Variants in CD5 observed in about 807,000 individuals in gnomAD.
CD5 encodes the protein CD5 molecule.
Under a neutral mutation model 60.3 loss-of-function variants are expected in CD5, and 36 were observed. That is an observed-to-expected ratio of 0.60 (90% CI 0.46 to 0.79). CD5 has a LOEUF of 0.79. CD5 is among the 30% of genes least tolerant of loss of function. The probability of loss-of-function intolerance (pLI) is 0.00; values close to 1 mark genes in which losing one functional copy is unlikely to be tolerated. For missense variants in CD5, 540 were observed against 630.6 expected, an observed-to-expected ratio of 0.86 and a Z score of 1.54; for synonymous variants, 230 against 257.6, an observed-to-expected ratio of 0.89 and a Z score of 1.03.
At chr11:61,109,587 C>T (rs1434972252) in intron 1 of CD5, among the ~76,000 whole-genome samples, 1 of 151,684 alleles carries the variant, frequency 6.6e-6, no homozygotes, top group African/African-American at 2.4e-5. Context: ...CATGGGATGC[C>T]GTAATGAGAG....
chr11:61,125,016 C>T lies in CD5; in HGVS notation c.1280-16C>T, dbSNP rs1230299209. 1.9e-6 allele frequency: 3 copies of T among 1,613,964 alleles called. No homozygotes were observed. Among genetic ancestry groups the T allele is most frequent in the Non-Finnish European group, 2.5e-6 (3 of 1,179,928 alleles). ...CACAGCCACAAGTCTGACACTGTCTCCTACCATCTGCCCAGTGTCTTTCCA... is the reference window on the plus strand; with the variant it reads ...CACAGCCACAAGTCTGACACTGTCTTCTACCATCTGCCCAGTGTCTTTCCA... On this transcript the variant is annotated splice_polypyrimidine_tract_variant and intron_variant, in intron 8 of 10. Transcript: ENST00000347785.
intron 1 of CD5, among the ~76,000 whole-genome samples, chr11:61,113,403 C>A (rs977508819): frequency 6.6e-6 from 1 of 152,230 alleles, no homozygotes; most frequent in Non-Finnish European, 1.5e-5. Context: ...TGAGACCAGG[C>A]TACAAGGAGG....
At chr11:61,097,643 C>T (rs1860602749), upstream of CD5, among the ~76,000 whole-genome samples, 1 of 152,174 alleles carries the variant, frequency 6.6e-6, no homozygotes, top group Non-Finnish European at 1.5e-5. Flanking sequence ...CATCTTTCTT[C>T]CAACTGCCCA....
Position 61,119,531 on chromosome 11 carries a change from TCAAGCCC to T in CD5, c.764_770del (p.Lys255ArgfsTer149). The T allele has an allele frequency of 6.2e-7, 1 of 1,613,562 alleles. No individual in the cohort carries two copies. Among genetic ancestry groups the T allele is most frequent in the Non-Finnish European group, 8.5e-7 (1 of 1,179,914 alleles). On this transcript the variant is annotated frameshift_variant, in exon 5 of 11. Coordinates refer to ENST00000347785, the MANE Select transcript of CD5 (RefSeq NM_014207.4). LOFTEE classifies it high-confidence loss of function. Reference sequence around the variant, plus strand: ...TCCCTGGAGCATTGCTTCAGGAAAATCAAGCCCCAGAAAAGTGGCCGAGTTCTTGCCC... The same window carrying T: ...TCCCTGGAGCATTGCTTCAGGAAAATCAGAAAAGTGGCCGAGTTCTTGCCC...
At position 61,127,185 on chromosome 11, in the gene CD5, C is replaced by T. The variant is rs556526230; in HGVS notation, c.*900C>T. The T allele has an allele frequency of 3.3e-5, 5 of 152,368 alleles. No homozygotes were observed. Among genetic ancestry groups the T allele is most frequent in the South Asian group, 2.1e-4 (1 of 4,832 alleles). 9.4% of individuals were successfully genotyped at this position (152,368 alleles called of 1,614,324 possible). A position where few individuals can be genotyped will look rare whatever the true frequency, so the allele number is the denominator to read the frequency against. On this transcript the variant is annotated 3_prime_UTR_variant, in exon 11 of 11. Coordinates refer to ENST00000347785, the MANE Select transcript of CD5 (RefSeq NM_014207.4). ...CCTTTGGTTTGAATAACTCCCTTGA[C>T]GAAAACAGACTCCTCTAGTACTTGG... is the stretch of plus-strand genomic sequence containing the variant.
At chr11:61,101,355 C>T (rs1212127589), upstream of CD5, among the ~76,000 whole-genome samples, 2 of 94,496 alleles carry the variant, frequency 2.1e-5, no homozygotes, top group Non-Finnish European at 4.4e-5. Context: ...CACACATCAA[C>T]ATGGAGATCA....
chr11:61,103,320 T>C (rs1245410028), intron 1 of CD5, among the ~76,000 whole-genome samples: 3 of 151,976 alleles, frequency 2.0e-5, no homozygotes, highest in Non-Finnish European at 2.9e-5. Flanking sequence ...TTATGAAATG[T>C]GGGGGTTGGG....
At chr11:61,116,617 C>T (rs1590771325) in intron 2 of CD5, among the ~76,000 whole-genome samples, 1 of 44,484 alleles carries the variant, frequency 2.2e-5, no homozygotes, top group Non-Finnish European at 4.6e-5. Context: ...CACACACATA[C>T]CACACACACA....
chr11:61,094,097 A>T, the CD5 span, among the ~76,000 whole-genome samples: 1 of 152,088 alleles, frequency 6.6e-6, no homozygotes, highest in African/African-American at 2.4e-5. Context: ...CGGACAGTTG[A>T]GGCAGCCCCT....
chr11:61,099,357 G>A (rs371073051), upstream of CD5, among the ~76,000 whole-genome samples: 61 of 86,364 alleles, frequency 7.1e-4, no homozygotes, highest in East Asian at 2.5e-3. Flanking sequence ...TCAACATGGA[G>A]ATCACACACA....
chr11:61,123,817 A>AGG, intron 7 of CD5, 67 bp from the exon 8 acceptor site: 1 of 213,484 alleles, frequency 4.7e-6, no homozygotes, highest in Non-Finnish European at 8.3e-6. Flanking sequence ...CCCCATCCCC[A>AGG]CCCCTGCCTG....
chr11:61,118,214 A>C lies in CD5; in HGVS notation c.134A>C (p.Gln45Pro), dbSNP rs747170921. 6.2e-7 allele frequency: 1 copy of C among 1,614,118 alleles called. No individual in the cohort carries two copies. Among genetic ancestry groups the C allele is most frequent in the Non-Finnish European group, 8.5e-7 (1 of 1,179,966 alleles). Residue 45 changes from glutamine (Q) to proline (P), a missense_variant, in exon 3 of 11, where the codon CAG becomes CCG. Gln to Pro is a moderately conservative substitution (Grantham distance 76). Transcript: ENST00000347785. This position sits in a 1 kb window ranked among gnomAD's most constrained non-coding sequence, Gnocchi z 4.7. ...CTCACCCGTTCCAACTCGAAGTGCC[A>C]GGGCCAGCTGGAGGTCTACCTCAAG... ...ARLTRSNSKCQGQLEVYLKDG... is the reference protein window; with the variant it reads ...ARLTRSNSKCPGQLEVYLKDG...
upstream of CD5, among the ~76,000 whole-genome samples, chr11:61,099,285 C>T (rs902129390): frequency 3.3e-5 from 5 of 151,186 alleles, no homozygotes; most frequent in African/African-American, 9.8e-5. Flanking sequence ...CACACATCAA[C>T]GTGGAGCTCA....
intron 1 of CD5, among the ~76,000 whole-genome samples, chr11:61,106,305 G>A (rs1375840180): frequency 6.6e-6 from 1 of 152,090 alleles, no homozygotes; most frequent in Non-Finnish European, 1.5e-5. Flanking sequence ...CTGAGAATCC[G>A]AGACCTGAAT....
At chr11:61,123,823 GCCTGCCCCCACCCATA>G (rs1205766391) in intron 7 of CD5, 45 bp from the exon 8 acceptor site, 20 of 257,928 alleles carry the variant, frequency 7.8e-5, no homozygotes, top group African/African-American at 2.1e-4. Context: ...CCCCACCCCT[GCCTGCCCCCACCCATA>G]CCTGCCCCCA....
At chr11:61,114,508 G>T (rs2134601256) in intron 1 of CD5, among the ~76,000 whole-genome samples, 1 of 152,274 alleles carries the variant, frequency 6.6e-6, no homozygotes, top group Non-Finnish European at 1.5e-5. Flanking sequence ...AGGCATAGTG[G>T]CTCATGCCTG....
chr11:61,099,226 A>T (rs1297844451), upstream of CD5, among the ~76,000 whole-genome samples: 3 of 151,982 alleles, frequency 2.0e-5, no homozygotes, highest in Non-Finnish European at 4.4e-5. Context: ...CAACACGGAG[A>T]TCACACACAT....
At position 61,126,771 on chromosome 11, in the gene CD5, G is replaced by A. The variant is rs1861154071; in HGVS notation, c.*486G>A. The A allele has an allele frequency of 6.6e-6, 1 of 152,276 alleles. No homozygotes were observed. The highest frequency in any genetic ancestry group is 1.5e-5 in the Non-Finnish European group (1 of 68,078). The allele number at this position is 152,276 out of a possible 1,614,324, so 9.4% of individuals were successfully genotyped here. On this transcript the variant is annotated 3_prime_UTR_variant, in exon 11 of 11. Coordinates refer to ENST00000347785, the MANE Select transcript of CD5 (RefSeq NM_014207.4). ...CATCCACCCCTGCGGATCCCTCTGG[G>A]GAGGACAGGAAGGGGACTCCCGGAG...
chr11:61,123,047 C>A lies in CD5; in HGVS notation c.1225+15C>A, dbSNP rs748167810. On this transcript the variant is annotated intron_variant, in intron 7 of 10. Transcript: ENST00000347785. ...AGTGAAGAAATGTAGGTGTCACGGC[C>A]CTGAGTGGCTCCGTTCCCACGTGCA... 1.2e-6 allele frequency: 2 copies of A among 1,600,076 alleles called. No individual in the cohort carries two copies. Among genetic ancestry groups the A allele is most frequent in the Non-Finnish European group, 1.7e-6 (2 of 1,172,704 alleles).
Sources: allele counts gnomAD v4.1 joint callset (sites outside exome capture counted in the v4.1 genomes callset), GRCh38; gene constraint gnomAD v4.1.1; non-coding constraint Gnocchi (gnomAD v3.1); transcripts MANE v1.5; gene names NCBI Gene and HGNC (gene_info 2026-07-23, HGNC 2026-07-21).